FBLN1: variants seen among roughly 807,000 people sequenced by gnomAD.
The protein encoded by FBLN1 is fibulin-1.
Under a neutral mutation model 89.7 loss-of-function variants are expected in FBLN1, and 34 were observed. The observed-to-expected ratio is 0.38, with a 90% CI of 0.29 to 0.50. The LOEUF (loss-of-function observed/expected upper bound fraction) is 0.50. Ranked by LOEUF, FBLN1 falls within the 20% of genes least tolerant of loss-of-function variation. FBLN1 has a pLI of 0.92. For synonymous variants in FBLN1, 393 were observed against 391.3 expected (o/e 1.00, Z -0.05); for missense variants, 777 against 988.1 (o/e 0.79, Z 2.86).
At position 45,580,724 on chromosome 22, in the gene FBLN1, G is replaced by A. The variant is rs1254874541; in HGVS notation, c.1972+3616G>A. 6.6e-6 allele frequency among the ~76,000 whole-genome samples: 1 copy of A among 152,194 alleles called. No individual in the cohort carries two copies. Among genetic ancestry groups the A allele is most frequent in the Admixed American group, 6.5e-5 (1 of 15,288 alleles). ...GGGCTAAGTTGCTGTGAGTTTGGAT[G>A]TCCCAGAAAAACAATCAGCGCACAG... On this transcript the variant is annotated intron_variant, in intron 16 of 16. Transcript: ENST00000327858. The surrounding 1 kb of genome is among the most constrained non-coding windows in gnomAD (Gnocchi z 8.6).
At position 45,568,578 on chromosome 22, in the gene FBLN1, A is replaced by C. The variant is rs1569260152; in HGVS notation, c.1698-5933A>C. On this transcript the variant is annotated intron_variant, in intron 14 of 16. Transcript: ENST00000327858. ...GTAGGGCATGCTCCTTCTGTAGGAG[A>C]ATGCTCCTGTAGGGGAATGCTCCTT... 1.4e-3 allele frequency among the ~76,000 whole-genome samples: 186 copies of C among 133,142 alleles called. 18 individuals carry two copies. Among genetic ancestry groups the C allele is most frequent in the South Asian group, 3.6e-3 (14 of 3,876 alleles). The allele number at this position is 133,142 out of a possible 152,430, so 87.3% of individuals were successfully genotyped here.
Position 45,579,435 on chromosome 22 carries a change from G to C in FBLN1, c.1972+2327G>C, listed in dbSNP as rs1322095492. The stretch of plus-strand genomic sequence containing the variant: ...AGCGGGCTTCTGGGAACGGAATGTG[G>C]ATGAGGCCACAAGGACCCAGCGGCT... On this transcript the variant is annotated intron_variant, in intron 16 of 16. Transcript: ENST00000327858. This position sits in a 1 kb window ranked among gnomAD's most constrained non-coding sequence, Gnocchi z 5.5. 1.3e-5 allele frequency among the ~76,000 whole-genome samples: 2 copies of C among 152,266 alleles called. No homozygotes were observed. The highest frequency in any genetic ancestry group is 2.4e-5 in the African/African-American group (1 of 41,474).
rs552447967 is a variant in FBLN1, at chr22:45,581,402, C to T, written c.1972+4294C>T. 6.6e-6 allele frequency among the ~76,000 whole-genome samples: 1 copy of T among 152,188 alleles called. No homozygotes were observed. The highest frequency in any genetic ancestry group is 1.5e-5 in the Non-Finnish European group (1 of 68,010). On this transcript the variant is annotated intron_variant, in intron 16 of 16. Transcript: ENST00000327858. The surrounding 1 kb of genome is among the most constrained non-coding windows in gnomAD (Gnocchi z 7.6). ...ACTTCCAAGAAGCCTCCCCTGACTG[C>T]TCCAGGGTCATGGCTGTGTGATAGG...
rs1455851360 is a variant in FBLN1, at chr22:45,572,793, A to G, written c.1698-1718A>G. On this transcript the variant is annotated intron_variant, in intron 14 of 16. Coordinates refer to ENST00000327858, the MANE Select transcript of FBLN1 (RefSeq NM_006486.3). The surrounding 1 kb of genome is among the most constrained non-coding windows in gnomAD (Gnocchi z 5.8). ...GGCCTGCATGGGATCAGGCCTCTGG[A>G]TCTGGCTGCCAATGTCCAAGAAATC... Among the ~76,000 whole-genome samples, 2 of 152,224 alleles carry G rather than the reference A, an allele frequency of 1.3e-5. No individual in the cohort carries two copies. The highest frequency in any genetic ancestry group is 2.9e-5 in the Non-Finnish European group (2 of 68,034).
Position 45,531,231 on chromosome 22 carries a change from G to C in FBLN1, c.485-34G>C, listed in dbSNP as rs959651883. On this transcript the variant is annotated intron_variant, in intron 4 of 16. Coordinates refer to ENST00000327858, the MANE Select transcript of FBLN1 (RefSeq NM_006486.3). The surrounding 1 kb of genome is among the most constrained non-coding windows in gnomAD (Gnocchi z 4.9). ...TCTTTTAAGATAAGATGGGTGTTTG[G>C]ATAAATGTCTGACTTGGTCTTTTTC... The C allele has an allele frequency of 4.4e-6, 7 of 1,598,876 alleles. No homozygotes were observed. Among genetic ancestry groups the C allele is most frequent in the Non-Finnish European group, 4.3e-6 (5 of 1,166,096 alleles).
intron 1 of FBLN1, among the ~76,000 whole-genome samples, chr22:45,504,476 C>G (rs1602153601): frequency 6.6e-6 from 1 of 151,636 alleles, no homozygotes; most frequent in Admixed American, 6.6e-5. Context: ...GGCATTCCAG[C>G]AAGCAGCAGG....
chr22:45,528,657 T>C (rs969480814), intron 4 of FBLN1, among the ~76,000 whole-genome samples: 1 of 152,100 alleles, frequency 6.6e-6, no homozygotes, highest in African/African-American at 2.4e-5. Flanking sequence ...TATTAATCTC[T>C]AAAATATAGC....
At chr22:45,584,545 A>T (rs936712291) in intron 16 of FBLN1, among the ~76,000 whole-genome samples, 1 of 152,118 alleles carries the variant, frequency 6.6e-6, no homozygotes, top group African/African-American at 2.4e-5. Flanking sequence ...CTTTAGGCAA[A>T]TTTCATAACC....
chr22:45,541,131 A>G lies in FBLN1; in HGVS notation c.923-98A>G, dbSNP rs989698473. The G allele has an allele frequency of 1.3e-5, 20 of 1,518,738 alleles. No individual in the cohort carries two copies. In the South Asian group the frequency reaches 1.5e-4, roughly 11 times the overall value. The allele number at this position is 1,518,738 out of a possible 1,614,324, so 94.1% of individuals were successfully genotyped here. A position where few individuals can be genotyped will look rare whatever the true frequency, so the allele number is the denominator to read the frequency against. Reference sequence around the variant, plus strand: ...TGAGCCCCTCCATTTGTGGTTTTGCAAAGAGGTGGGAAGGGGAGTTTCTTT... The same window carrying G: ...TGAGCCCCTCCATTTGTGGTTTTGCGAAGAGGTGGGAAGGGGAGTTTCTTT... On this transcript the variant is annotated intron_variant, in intron 8 of 16. Coordinates refer to ENST00000327858, the MANE Select transcript of FBLN1 (RefSeq NM_006486.3).
At chr22:45,596,763 A>G (rs1469305735) in intron 16 of FBLN1, among the ~76,000 whole-genome samples, 2 of 147,498 alleles carry the variant, frequency 1.4e-5, no homozygotes, top group African/African-American at 2.5e-5. Context: ...ATGAACAAAT[A>G]TGGATATTTA....
At chr22:45,594,534 C>A (rs1338142880) in intron 16 of FBLN1, among the ~76,000 whole-genome samples, 1 of 152,152 alleles carries the variant, frequency 6.6e-6, no homozygotes, top group East Asian at 1.9e-4. Context: ...TGCAGAGTAG[C>A]CTCTAATGGA....
chr22:45,531,336 G>A lies in FBLN1; in HGVS notation c.544+12G>A, dbSNP rs759557889. ...TGACCGCTGCCGAGGTGAGACTCGGGCGTCTCCCATCAGTTGGTATTTAAA... is the reference window on the plus strand; with the variant it reads ...TGACCGCTGCCGAGGTGAGACTCGGACGTCTCCCATCAGTTGGTATTTAAA... On this transcript the variant is annotated intron_variant, in intron 5 of 16. Transcript: ENST00000327858. This position sits in a 1 kb window ranked among gnomAD's most constrained non-coding sequence, Gnocchi z 4.9. 1.6e-5 allele frequency: 26 copies of A among 1,612,520 alleles called. No individual in the cohort carries two copies. The highest frequency in any genetic ancestry group is 3.3e-5 in the Admixed American group (2 of 59,990).
intron 11 of FBLN1, 102 bp downstream of exon 11, chr22:45,543,628 C>T (rs2088588338): frequency 2.0e-5 from 29 of 1,435,348 alleles, no homozygotes; most frequent in Non-Finnish European, 2.8e-5. Context: ...GATGGTTTCC[C>T]TGTTAAATGA....
chr22:45,563,091 A>G lies in FBLN1; in HGVS notation c.1698-11420A>G, dbSNP rs2088868461. The G allele has an allele frequency of 6.2e-7, 1 of 1,613,340 alleles. No individual in the cohort carries two copies. Among genetic ancestry groups the G allele is most frequent in the Non-Finnish European group, 8.5e-7 (1 of 1,179,978 alleles). ...CAGCTGGCCATCACCGGCGGCAATG[A>G]GGAGGGCTTTTTCACCACCCGGAAG... On this transcript the variant is annotated intron_variant, in intron 14 of 16. Transcript: ENST00000327858. The surrounding 1 kb of genome is among the most constrained non-coding windows in gnomAD (Gnocchi z 5.7).
Position 45,535,357 on chromosome 22 carries a change from G to A in FBLN1, c.922+20G>A, listed in dbSNP as rs760022569. 9.8e-5 allele frequency: 158 copies of A among 1,613,820 alleles called. No homozygotes were observed. The highest frequency in any genetic ancestry group is 1.3e-4 in the Non-Finnish European group (156 of 1,179,856). On this transcript the variant is annotated intron_variant, in intron 8 of 16. Transcript: ENST00000327858. ...GTATTGGTAAGAGGTGTGCCGCCAG[G>A]ATTAGCGGGTTATTCCAGGAGGGGC...
rs1458127500 is a variant in FBLN1, at chr22:45,556,719, G to T, written c.1697+6104G>T. Among the ~76,000 whole-genome samples, 1 of 152,132 alleles carries T rather than the reference G, an allele frequency of 6.6e-6. No homozygotes were observed. The highest frequency in any genetic ancestry group is 1.5e-5 in the Non-Finnish European group (1 of 68,028). The stretch of plus-strand genomic sequence containing the variant: ...CCCTTCTTAGCCTGTTGACTTAAAG[G>T]TAGGAGGAGCTTCAAGTGTCCAGGT... On this transcript the variant is annotated intron_variant, in intron 14 of 16. Coordinates refer to ENST00000327858, the MANE Select transcript of FBLN1 (RefSeq NM_006486.3). The surrounding 1 kb of genome is among the most constrained non-coding windows in gnomAD (Gnocchi z 4.6).
Position 45,503,001 on chromosome 22 carries a change from C to A in FBLN1, c.16C>A (p.Pro6Thr). The A allele has an allele frequency of 8.1e-7, 1 of 1,229,500 alleles. No individual in the cohort carries two copies. The highest frequency in any genetic ancestry group is 1.0e-6 in the Non-Finnish European group (1 of 986,278). The allele number at this position is 1,229,500 out of a possible 1,614,324, so 76.2% of individuals were successfully genotyped here. A position where few individuals can be genotyped will look rare whatever the true frequency, so the allele number is the denominator to read the frequency against. The change falls in exon 1 of 17, where the codon CCG becomes ACG. Residue 6 changes from proline (P) to threonine (T), a missense_variant. Transcript: ENST00000327858. MERAA[P>T]SRRVPLPLLL... Reference sequence around the variant, plus strand: ...CCCGCCGCCCATGGAGCGCGCCGCGCCGTCGCGCCGGGTCCCGCTTCCGCT... The same window carrying A: ...CCCGCCGCCCATGGAGCGCGCCGCGACGTCGCGCCGGGTCCCGCTTCCGCT...
Position 45,563,120 on chromosome 22 carries a change from A to G in FBLN1, c.1698-11391A>G, listed in dbSNP as rs2088868980. 3 of 1,613,294 alleles carry G rather than the reference A, an allele frequency of 1.9e-6. No homozygotes were observed. Among genetic ancestry groups the G allele is most frequent in the East Asian group, 2.2e-5 (1 of 44,828 alleles). On this transcript the variant is annotated intron_variant, in intron 14 of 16. Coordinates refer to ENST00000327858, the MANE Select transcript of FBLN1 (RefSeq NM_006486.3). The surrounding 1 kb of genome is among the most constrained non-coding windows in gnomAD (Gnocchi z 5.7). ...GGGCTTTTTCACCACCCGGAAGGTG[A>G]GCCCCCACAGTGGGGTGGTGGCCCT...
At chr22:45,546,371 C>A (rs1363464404) in intron 11 of FBLN1, among the ~76,000 whole-genome samples, 3 of 152,164 alleles carry the variant, frequency 2.0e-5, no homozygotes, top group Non-Finnish European at 2.9e-5. Flanking sequence ...TGCGTGCCAC[C>A]ATGCCTGGCT....
Sources: allele counts gnomAD v4.1 joint callset (sites outside exome capture counted in the v4.1 genomes callset), GRCh38; gene constraint gnomAD v4.1.1; non-coding constraint Gnocchi (gnomAD v3.1); transcripts MANE v1.5; gene names NCBI Gene and HGNC (gene_info 2026-07-23, HGNC 2026-07-21).